The following GABRA3 variants were observed in gnomAD, a reference collection of about 807,000 sequenced individuals.
GABRA3 encodes the protein gamma-aminobutyric acid receptor subunit alpha-3.
Under a neutral mutation model 30.1 loss-of-function variants are expected in GABRA3, and 10 were observed. The ratio of observed to expected loss-of-function variants is 0.33; its 90% confidence interval spans 0.20 to 0.56. The LOEUF (loss-of-function observed/expected upper bound fraction) is 0.56, where lower values mean the gene tolerates loss of function less well. Ranked by LOEUF, GABRA3 falls within the 20% of genes least tolerant of loss-of-function variation. GABRA3 has a pLI of 0.89. For synonymous variants in GABRA3, 151 were observed against 146.8 expected, an observed-to-expected ratio of 1.03 and a Z score of -0.21; for missense variants, 233 against 392.0, an observed-to-expected ratio of 0.59 and a Z score of 3.42.
chrX:152,182,106 T>C (rs145945533), intron 9 of GABRA3, among the ~76,000 whole-genome samples: 68 of 110,361 alleles, frequency 6.2e-4, no homozygotes, highest in Non-Finnish European at 1.1e-3. Context: ...ATGTTGAATT[T>C]TGTCAAATGC....
At chrX:152,340,700 T>C (rs2124479042) in intron 3 of GABRA3, among the ~76,000 whole-genome samples, 1 of 112,192 alleles carries the variant, frequency 8.9e-6, no homozygotes, top group East Asian at 2.8e-4. Flanking sequence ...CTAAAGTTTT[T>C]CATCTGCACA....
intron 6 of GABRA3, among the ~76,000 whole-genome samples, chrX:152,214,359 T>A (rs1385002862): frequency 9.0e-6 from 1 of 111,495 alleles, no homozygotes; most frequent in Admixed American, 9.5e-5. Context: ...TTAGGTTGAT[T>A]CCATGACTTT....
At chrX:152,212,342 C>T (rs1476564241) in intron 6 of GABRA3, among the ~76,000 whole-genome samples, 1 of 78,797 alleles carries the variant, frequency 1.3e-5, no homozygotes, top group African/African-American at 4.9e-5. Context: ...TTCCAAATTG[C>T]CTACCCTAAG....
At chrX:152,415,807 C>T (rs1205391337) in intron 1 of GABRA3, among the ~76,000 whole-genome samples, 7 of 110,983 alleles carry the variant, frequency 6.3e-5, no homozygotes, top group Non-Finnish European at 9.5e-5. Flanking sequence ...AAATAAAAAA[C>T]ATTTTAAAGG....
intron 3 of GABRA3, among the ~76,000 whole-genome samples, chrX:152,294,935 C>T (rs1569386864): frequency 9.1e-6 from 1 of 109,954 alleles, no homozygotes; most frequent in East Asian, 2.9e-4. Context: ...TTTGCTCCAA[C>T]AGCTGCAGGT....
At position 152,199,202 on chromosome X, in the gene GABRA3, TA is replaced by T. The variant is rs1335731963; in HGVS notation, c.779-1418del. 8.4e-5 allele frequency among the ~76,000 whole-genome samples: 9 copies of T among 107,618 alleles called. No homozygotes were observed. In the South Asian group the frequency reaches 3.3e-3, roughly 39 times the overall value. The allele number at this position is 107,618 out of a possible 115,157, so 93.5% of individuals were successfully genotyped here. A position where few individuals can be genotyped will look rare whatever the true frequency, so the allele number is the denominator to read the frequency against. On this transcript the variant is annotated intron_variant, in intron 7 of 9. Coordinates refer to ENST00000370314, the MANE Select transcript of GABRA3 (RefSeq NM_000808.4). ...TAACATGGTGAAACCCCATCTCTAC[TA>T]AAAATACAAAATATTAGCCGGGTGT...
At chrX:152,401,766 A>G (rs775512553) in intron 1 of GABRA3, among the ~76,000 whole-genome samples, 1 of 111,869 alleles carries the variant, frequency 8.9e-6, no homozygotes, top group East Asian at 2.8e-4. Flanking sequence ...CTTGGAATGA[A>G]TATTTGCAAG....
At chrX:152,181,163 C>T (rs1185072418) in intron 9 of GABRA3, among the ~76,000 whole-genome samples, 2 of 111,857 alleles carry the variant, frequency 1.8e-5, no homozygotes, top group African/African-American at 3.3e-5. Context: ...TTCTTCTAGC[C>T]ATGAACAGTG....
At chrX:152,192,585 G>A (rs1937337649) in intron 8 of GABRA3, among the ~76,000 whole-genome samples, 1 of 111,046 alleles carries the variant, frequency 9.0e-6, no homozygotes, top group Admixed American at 9.6e-5. Flanking sequence ...ACTGCTAACT[G>A]TTTTGTGCCT....
chrX:152,369,776 C>A (rs1471037982), intron 1 of GABRA3, among the ~76,000 whole-genome samples: 1 of 110,301 alleles, frequency 9.1e-6, no homozygotes, highest in Non-Finnish European at 1.9e-5. Flanking sequence ...TAGAAAAGCT[C>A]AATGGGGATG....
chrX:152,179,721 C>T (rs1937121109), intron 9 of GABRA3, among the ~76,000 whole-genome samples: 1 of 110,558 alleles, frequency 9.0e-6, no homozygotes, highest in African/African-American at 3.3e-5. Flanking sequence ...GTCTCGATCT[C>T]CTGACCTCGT....
chrX:152,286,695 C>G (rs1486261954), intron 3 of GABRA3, among the ~76,000 whole-genome samples: 2 of 111,418 alleles, frequency 1.8e-5, no homozygotes, highest in Non-Finnish European at 3.8e-5. Flanking sequence ...TATTGTGCCC[C>G]TACTCAGGCA....
At chrX:152,292,357 A>G (rs1304174302) in intron 3 of GABRA3, among the ~76,000 whole-genome samples, 1 of 111,291 alleles carries the variant, frequency 9.0e-6, no homozygotes, top group Non-Finnish European at 1.9e-5. Flanking sequence ...TGTAGTTTGT[A>G]TTGATGTTTG....
chrX:152,206,274 C>G (rs1418043925), intron 7 of GABRA3, among the ~76,000 whole-genome samples: 1 of 112,817 alleles, frequency 8.9e-6, no homozygotes, highest in Non-Finnish European at 1.9e-5. Flanking sequence ...CCTCAGCCTC[C>G]TCCTGGGGCC....
At chrX:152,298,852 G>A (rs915313292) in intron 3 of GABRA3, among the ~76,000 whole-genome samples, 4 of 112,034 alleles carry the variant, frequency 3.6e-5, no homozygotes, top group African/African-American at 1.3e-4. Flanking sequence ...CAGTATAAAA[G>A]TGTTCCTATT....
intron 1 of GABRA3, among the ~76,000 whole-genome samples, chrX:152,373,891 C>T (rs1281293138): frequency 9.3e-6 from 1 of 107,675 alleles, no homozygotes; most frequent in Non-Finnish European, 1.9e-5. Flanking sequence ...GGTTTTCTGT[C>T]ATTGGGATAG....
intron 2 of GABRA3, among the ~76,000 whole-genome samples, chrX:152,363,452 G>A (rs918839909): frequency 9.0e-6 from 1 of 111,518 alleles, no homozygotes; most frequent in African/African-American, 3.3e-5. Flanking sequence ...TTCTCCAGGG[G>A]ATCCACAGGC....
chrX:152,168,378 C>T lies in GABRA3; in HGVS notation c.1329G>A (p.Pro443=), dbSNP rs747657802. The T allele has an allele frequency of 5.8e-6, 7 of 1,211,873 alleles. No homozygotes were observed. The East Asian group carries it at 8.9e-5, about 15-fold the overall frequency. Residue 443 remains proline, a synonymous_variant, in exon 10 of 10, where the codon CCG becomes CCA. Transcript: ENST00000370314. ...SPKATYVQDS[P]TETKTYNSVS... The stretch of plus-strand genomic sequence containing the variant: ...CACTGTTGTAGGTCTTGGTCTCAGT[C>T]GGGCTGTCCTGCACGTAGGTGGCCT...
chrX:152,343,893 A>G (rs1387745018), intron 3 of GABRA3, among the ~76,000 whole-genome samples: 4 of 112,217 alleles, frequency 3.6e-5, no homozygotes, highest in African/African-American at 1.3e-4. Flanking sequence ...TTGGACTGCA[A>G]TTAGTAGTAT....
Sources: allele counts gnomAD v4.1 joint callset (sites outside exome capture counted in the v4.1 genomes callset), GRCh38; gene constraint gnomAD v4.1.1; transcripts MANE v1.5; gene names NCBI Gene and HGNC (gene_info 2026-07-23, HGNC 2026-07-21).